LRRN4: variants seen among roughly 807,000 people sequenced by gnomAD.
LRRN4 encodes the protein leucine rich repeat neuronal 4.
A neutral mutation model predicts 22.3 loss-of-function variants in LRRN4; 26 were observed. That is an observed-to-expected ratio of 1.16 (90% CI 0.85 to 1.62). LRRN4 has a LOEUF of 1.62. Among genes scored for constraint, LRRN4 ranks in the 40% most tolerant of loss-of-function variants. The pLI is 0.00. For synonymous variants in LRRN4, 496 were observed against 486.2 expected, an observed-to-expected ratio of 1.02 and a Z score of -0.26; for missense variants, 1,070 against 1,008.5, an observed-to-expected ratio of 1.06 and a Z score of -0.83.
In LRRN4 at chr20:6,041,114, T is replaced by G. The variant is rs778509662; in HGVS notation, c.2131A>C (p.Thr711Pro). 6.2e-7 allele frequency: 1 copy of G among 1,610,974 alleles called. No individual in the cohort carries two copies. The highest frequency in any genetic ancestry group is 1.7e-5 in the Admixed American group (1 of 59,884). Reference sequence around the variant, plus strand: ...GTGTCGCAGCGCTGCAGGCCCAGCGTCTGGCCCCGCCTGCAGAGACATGCG... The same window carrying G: ...GTGTCGCAGCGCTGCAGGCCCAGCGGCTGGCCCCGCCTGCAGAGACATGCG... ...LSACLCRRGQTLGLQRCDTHL... is the reference protein window; with the variant it reads ...LSACLCRRGQPLGLQRCDTHL... Residue 711 changes from threonine (T) to proline (P), a missense_variant, in exon 5 of 5, where the codon ACG becomes CCG. Thr to Pro is a conservative substitution (Grantham distance 38). Transcript: ENST00000378858. This position sits in a 1 kb window ranked among gnomAD's most constrained non-coding sequence, Gnocchi z 9.4.
In LRRN4 at chr20:6,050,126, C is replaced by T. The variant is rs181413703; in HGVS notation, c.860+653G>A. On this transcript the variant is annotated intron_variant, in intron 3 of 4. Transcript: ENST00000378858. ...ACTGCTTGATATTTGTATCCTGGCA[C>T]TTTACACAGTTCTTGGGTTTTTATC... is the stretch of plus-strand genomic sequence containing the variant. Among the ~76,000 whole-genome samples the T allele has an allele frequency of 9.0e-3, 1,365 of 152,320 alleles. 9 individuals are homozygous for T. The highest frequency in any genetic ancestry group is 0.012 in the Non-Finnish European group (846 of 68,026).
intron 4 of LRRN4, 52 bp from the exon 5 acceptor site, chr20:6,042,298 G>A (rs1446954738): frequency 1.9e-6 from 3 of 1,538,898 alleles, no homozygotes; most frequent in Non-Finnish European, 2.6e-6. Context: ...GGACACTTCT[G>A]CGCAGAGCTT....
At chr20:6,049,678 C>T (rs111904568) in intron 3 of LRRN4, among the ~76,000 whole-genome samples, 2,891 of 152,026 alleles carry the variant, frequency 0.019, 41 homozygotes, top group Middle Eastern at 0.034. Flanking sequence ...TTTTGTATTT[C>T]TTTTAGTAGA....
rs1244312991 is a variant in LRRN4, at chr20:6,051,320, C to T, written c.656-337G>A. On this transcript the variant is annotated intron_variant, in intron 2 of 4. Transcript: ENST00000378858. ...TGCTGCTCCACCTTCTCATTAAAGTCCACACAGAAAATAACCAGACTTTGC... is the reference window on the plus strand; with the variant it reads ...TGCTGCTCCACCTTCTCATTAAAGTTCACACAGAAAATAACCAGACTTTGC... Among the ~76,000 whole-genome samples the T allele has an allele frequency of 3.3e-5, 5 of 152,196 alleles. 1 individual carries two copies. The South Asian group carries it at 1.0e-3, about 32-fold the overall frequency.
In LRRN4 at chr20:6,040,663, G is replaced by A. The variant is rs770225098; in HGVS notation, c.*359C>T. 9.4e-6 allele frequency: 2 copies of A among 213,748 alleles called. No individual in the cohort carries two copies. Among genetic ancestry groups the A allele is most frequent in the Non-Finnish European group, 1.9e-5 (2 of 107,102 alleles). 13.2% of individuals were successfully genotyped at this position (213,748 alleles called of 1,614,324 possible). On this transcript the variant is annotated 3_prime_UTR_variant, in exon 5 of 5. Transcript: ENST00000378858. The stretch of plus-strand genomic sequence containing the variant: ...TTTCTAACATGATCAAAGAGGCTGG[G>A]TTATGCAACTTCTCTGTTTCATCCC...
In LRRN4 at chr20:6,040,941, A is replaced by G. The variant is rs1012074445; in HGVS notation, c.*81T>C. On this transcript the variant is annotated 3_prime_UTR_variant, in exon 5 of 5. Coordinates refer to ENST00000378858, the MANE Select transcript of LRRN4 (RefSeq NM_152611.5). ...CGGGAATTAGAAACCCTAGGAGCGGATGGGGTCGTTTTTGACCGTCTGTGT... is the reference window on the plus strand; with the variant it reads ...CGGGAATTAGAAACCCTAGGAGCGGGTGGGGTCGTTTTTGACCGTCTGTGT... The G allele has an allele frequency of 1.9e-6, 3 of 1,564,230 alleles. No homozygotes were observed. The highest frequency in any genetic ancestry group is 1.7e-6 in the Non-Finnish European group (2 of 1,152,390).
chr20:6,041,518 TCCCCGCTGAGGCCGGGGCACCGGCACCG>T lies in LRRN4; in HGVS notation c.1699_1726del (p.Arg567LysfsTer13). 6.4e-7 allele frequency: 1 copy of T among 1,557,026 alleles called. No individual in the cohort carries two copies. Among genetic ancestry groups the T allele is most frequent in the East Asian group, 2.3e-5 (1 of 44,340 alleles). On this transcript the variant is annotated frameshift_variant, in exon 5 of 5. Coordinates refer to ENST00000378858, the MANE Select transcript of LRRN4 (RefSeq NM_152611.5). LOFTEE classifies it low-confidence loss of function (END_TRUNC). This position sits in a 1 kb window ranked among gnomAD's most constrained non-coding sequence, Gnocchi z 9.4. ...CCTGGGCGGGTCTGGGATGGTGTCT[TCCCCGCTGAGGCCGGGGCACCGGCACCG>T]CCACCGCCTCTGCAGCTCCGCGCAC...
rs1339448871 is a variant in LRRN4, at chr20:6,040,910, G to C, written c.*112C>G. On this transcript the variant is annotated 3_prime_UTR_variant, in exon 5 of 5. Transcript: ENST00000378858. ...TTCCATGTGTGCTCAAGGCATTCTG[G>C]CTTCACGGGAATTAGAAACCCTAGG... The C allele has an allele frequency of 1.4e-6, 2 of 1,443,888 alleles. No individual in the cohort carries two copies. The highest frequency in any genetic ancestry group is 4.6e-5 in the East Asian group (2 of 43,418). 89.4% of individuals were successfully genotyped at this position (1,443,888 alleles called of 1,614,324 possible).
Position 6,052,485 on chromosome 20 carries a change from G to A in LRRN4, c.315C>T (p.Thr105=), listed in dbSNP as rs116064748. Residue 105 remains threonine, a synonymous_variant, in exon 2 of 5, where the codon ACC becomes ACT. Transcript: ENST00000378858. ...LGHLEQLQVL[T]LRHNRIAALR... is the part of the protein sequence containing the mutation. ...GCGCGGCGATGCGGTTGTGGCGCAG[G>A]GTCAGCACCTGCAGCTGCTCCAGGT... The A allele has an allele frequency of 6.4e-7, 1 of 1,574,382 alleles. No individual in the cohort carries two copies. Among genetic ancestry groups the A allele is most frequent in the Non-Finnish European group, 8.6e-7 (1 of 1,168,974 alleles).
At chr20:6,042,943 A>C (rs945207230) in intron 4 of LRRN4, among the ~76,000 whole-genome samples, 1 of 149,980 alleles carries the variant, frequency 6.7e-6, no homozygotes, top group African/African-American at 2.5e-5. Flanking sequence ...AAAAATACTC[A>C]TACTAGCTAC....
At position 6,052,771 on chromosome 20, in the gene LRRN4, A is replaced by T. The variant is rs1300252954; in HGVS notation, c.29T>A (p.Leu10Gln). Residue 10 changes from leucine to glutamine, a missense_variant, in exon 2 of 5, where the codon CTG becomes CAG. Transcript: ENST00000378858. The stretch of plus-strand genomic sequence containing the variant: ...TGCCCAGCTGGGGCGCAGCACCGTC[A>T]GCAGCAGCAGCGGTAGGGTTTGCCG... MRQTLPLLL[L>Q]TVLRPSWADP... The T allele has an allele frequency of 9.5e-6, 15 of 1,573,036 alleles. No homozygotes were observed. The highest frequency in any genetic ancestry group is 1.3e-5 in the African/African-American group (1 of 74,306).
rs77510661 is a variant in LRRN4 at position 6,041,894 on chromosome 20, T to C, written c.1351A>G (p.Ser451Gly). The C allele has an allele frequency of 8.3e-4, 1,339 of 1,614,136 alleles. 10 individuals are homozygous for C. In the African/African-American group the frequency reaches 0.013, roughly 16 times the overall value. The change falls in exon 5 of 5, where the codon AGC becomes GGC. Residue 451 changes from serine to glycine, a missense_variant. Ser to Gly is a moderately conservative substitution (Grantham distance 56). Coordinates refer to ENST00000378858, the MANE Select transcript of LRRN4 (RefSeq NM_152611.5). The surrounding 1 kb of genome is among the most constrained non-coding windows in gnomAD (Gnocchi z 9.4). ...CCTCGGTGCTGGGTCCTGGTGGTGC[T>C]GGCAGCCCTGGGGAAAACGCTGGAG... ...SNSSVFPRAA[S>G]TTRTQHRGEH...
intron 3 of LRRN4, among the ~76,000 whole-genome samples, chr20:6,048,810 G>C (rs1043067013): frequency 6.6e-6 from 1 of 152,308 alleles, no homozygotes; most frequent in Admixed American, 6.5e-5. Context: ...CCTCAGCACA[G>C]AGATGGAGGA....
intron 1 of LRRN4, 92 bp from the exon 2 acceptor site, chr20:6,052,896 G>A (rs571650368): frequency 2.3e-4 from 297 of 1,301,868 alleles, no homozygotes; most frequent in Admixed American, 4.4e-4. Context: ...CCAGGGCTCT[G>A]AGGAGGAGCA....
At position 6,052,577 on chromosome 20, in the gene LRRN4, G is replaced by A. The variant is rs1398376023; in HGVS notation, c.223C>T (p.Arg75Cys). 2.5e-6 allele frequency: 4 copies of A among 1,581,524 alleles called. No individual in the cohort carries two copies. Among genetic ancestry groups the A allele is most frequent in the Non-Finnish European group, 3.4e-6 (4 of 1,172,296 alleles). ...NLERLPGCLP[R>C]TLRSLDASHN... ...CTGGCGTCGAGGCTGCGCAGTGTGC[G>A]CGGTAGGCAGCCGGGCAGGCGCTCC... The change falls in exon 2 of 5, where the codon CGC becomes TGC. Residue 75 changes from arginine (R) to cysteine (C), a missense_variant. Physicochemically the swap from Arg to Cys is radical, Grantham distance 180. Coordinates refer to ENST00000378858, the MANE Select transcript of LRRN4 (RefSeq NM_152611.5).
At chr20:6,047,659 C>T (rs1449923620) in intron 3 of LRRN4, among the ~76,000 whole-genome samples, 1 of 150,930 alleles carries the variant, frequency 6.6e-6, no homozygotes, top group African/African-American at 2.4e-5. Flanking sequence ...GGTGTGGTGG[C>T]GTGTACCTGT....
chr20:6,052,854 CAA>C (rs1981300879), intron 1 of LRRN4, 50 bp from the exon 2 acceptor site: 9 of 1,492,664 alleles, frequency 6.0e-6, no homozygotes, highest in Non-Finnish European at 8.0e-6. Context: ...AACCCCCGCA[CAA>C]AGAGTCAGAT....
Position 6,052,266 on chromosome 20 carries a change from G to A in LRRN4, c.534C>T (p.Ser178=). 1 of 1,551,904 alleles carries A rather than the reference G, an allele frequency of 6.4e-7. No individual in the cohort carries two copies. The highest frequency in any genetic ancestry group is 8.7e-7 in the Non-Finnish European group (1 of 1,149,640). Residue 178 remains serine (S), a synonymous_variant, in exon 2 of 5, where the codon TCC becomes TCT. Transcript: ENST00000378858. ...GGGCTCCGCGACCCAGCGCGGTGCAGGAGAGGTTGAGGAGCTGCAGCGCGG... is the reference window on the plus strand; with the variant it reads ...GGGCTCCGCGACCCAGCGCGGTGCAAGAGAGGTTGAGGAGCTGCAGCGCGG... ...CFPALQLLNL[S]CTALGRGAQG... is the part of the protein sequence containing the mutation.
In LRRN4 at chr20:6,052,199, C is replaced by T; in HGVS notation, c.601G>A (p.Ala201Thr). 6.3e-7 allele frequency: 1 copy of T among 1,595,966 alleles called. No homozygotes were observed. Residue 201 changes from alanine to threonine, a missense_variant, in exon 2 of 5, where the codon GCG becomes ACG. Ala to Thr is a moderately conservative substitution (Grantham distance 58). Coordinates refer to ENST00000378858, the MANE Select transcript of LRRN4 (RefSeq NM_152611.5). ...AEAAFAGEDGAPLVTLEVLDL... is the reference protein window; with the variant it reads ...AEAAFAGEDGTPLVTLEVLDL... ...AGGACTTCGAGCGTGACCAGGGGCG[C>T]GCCATCCTCTCCAGCGAACGCCGCC...
Sources: allele counts gnomAD v4.1 joint callset (sites outside exome capture counted in the v4.1 genomes callset), GRCh38; gene constraint gnomAD v4.1.1; non-coding constraint Gnocchi (gnomAD v3.1); transcripts MANE v1.5; gene names NCBI Gene and HGNC (gene_info 2026-07-23, HGNC 2026-07-21).